NHSL1: variants seen among roughly 807,000 people sequenced by gnomAD.
NHSL1 encodes NHS-like protein 1.
NHSL1 carries 48 observed loss-of-function variants against 95.0 expected under a neutral mutation model. That is an observed-to-expected ratio of 0.51 (90% CI 0.40 to 0.64). NHSL1 has a LOEUF of 0.64. NHSL1 is among the 30% of genes least tolerant of loss of function. The pLI is 0.00. For synonymous variants in NHSL1, 783 were observed against 833.9 expected (o/e 0.94, Z 1.05); for missense variants, 1,971 against 2,077.7 (o/e 0.95, Z 1.00).
intron 3 of NHSL1, among the ~76,000 whole-genome samples, chr6:138,448,924 T>G (rs1777041883): frequency 6.6e-6 from 1 of 152,036 alleles, no homozygotes. Flanking sequence ...TGCTGGCGCA[T>G]GCCTGTAATC....
At chr6:138,642,013 C>A (rs560273652) in intron 1 of NHSL1, among the ~76,000 whole-genome samples, 26 of 151,984 alleles carry the variant, frequency 1.7e-4, no homozygotes, top group Non-Finnish European at 3.2e-4. Context: ...CAAATGAATT[C>A]TTTTTAAAAA....
rs1159110571 is a variant in NHSL1, at chr6:138,462,307, G to A, written c.339+10999C>T. The stretch of plus-strand genomic sequence containing the variant: ...GTGGAGATGATCAAAAGGGAAGCAG[G>A]CATATGCAATGAGGGGAGGATCTGA... On this transcript the variant is annotated intron_variant, in intron 3 of 7. Coordinates refer to ENST00000343505, the MANE Select transcript of NHSL1 (RefSeq NM_001144060.2). Among the ~76,000 whole-genome samples, 3 of 152,128 alleles carry A rather than the reference G, an allele frequency of 2.0e-5. No individual in the cohort carries two copies. In the East Asian group the frequency reaches 5.8e-4, roughly 29 times the overall value.
rs1775064326 is a variant in NHSL1, at chr6:138,423,835, AAAAAT to A, written c.*241_*245del. On this transcript the variant is annotated 3_prime_UTR_variant, in exon 8 of 8. Coordinates refer to ENST00000343505, the MANE Select transcript of NHSL1 (RefSeq NM_001144060.2). Reference sequence around the variant, plus strand: ...TTTAGCAAAAAAAAAAAAAAAAAAAAAAAATCTTCCCCGGGAAGCACTTTCAGAAG... The same window carrying A: ...TTTAGCAAAAAAAAAAAAAAAAAAAACTTCCCCGGGAAGCACTTTCAGAAG... 3.0e-6 allele frequency: 1 copy of A among 335,912 alleles called. No individual in the cohort carries two copies. The allele number at this position is 335,912 out of a possible 1,614,324, so 20.8% of individuals were successfully genotyped here. A position where few individuals can be genotyped will look rare whatever the true frequency, so the allele number is the denominator to read the frequency against.
At chr6:138,590,277 C>A (rs965911735) in intron 1 of NHSL1, among the ~76,000 whole-genome samples, 1 of 152,218 alleles carries the variant, frequency 6.6e-6, no homozygotes, top group Non-Finnish European at 1.5e-5. Flanking sequence ...GGATTCCAGG[C>A]GTAAGCCACT....
chr6:138,561,714 T>C (rs6910844), intron 1 of NHSL1, among the ~76,000 whole-genome samples: 49,314 of 152,022 alleles, frequency 0.32, 12,284 homozygotes, highest in African/African-American at 0.7. Flanking sequence ...AAGCATGCAC[T>C]CAAACACTAG....
chr6:138,688,836 G>C (rs536856440), intron 1 of NHSL1, among the ~76,000 whole-genome samples: 2 of 152,298 alleles, frequency 1.3e-5, no homozygotes, highest in African/African-American at 4.8e-5. Flanking sequence ...TTTACAGACA[G>C]GAGCAGAGAT....
At chr6:138,518,064 G>A (rs1401787448) in intron 1 of NHSL1, among the ~76,000 whole-genome samples, 1 of 152,216 alleles carries the variant, frequency 6.6e-6, no homozygotes, top group Non-Finnish European at 1.5e-5. Flanking sequence ...CAGGACTGGA[G>A]TGAGAAACTG....
intron 1 of NHSL1, among the ~76,000 whole-genome samples, chr6:138,641,538 G>A (rs1171608359): frequency 1.3e-5 from 2 of 149,864 alleles, no homozygotes; most frequent in South Asian, 2.1e-4. Context: ...CAGGAGAATC[G>A]CTTGAACCCG....
At chr6:138,580,049 C>A (rs1784029255) in intron 1 of NHSL1, among the ~76,000 whole-genome samples, 1 of 152,160 alleles carries the variant, frequency 6.6e-6, no homozygotes. Flanking sequence ...TAACAAAATT[C>A]TTTAATCAGG....
At chr6:138,531,171 T>C (rs1251430469) in intron 1 of NHSL1, among the ~76,000 whole-genome samples, 1 of 152,178 alleles carries the variant, frequency 6.6e-6, no homozygotes, top group African/African-American at 2.4e-5. Context: ...TATGGTACTT[T>C]GTTATAGCAG....
At chr6:138,524,579 T>A (rs1394334871) in intron 1 of NHSL1, among the ~76,000 whole-genome samples, 1 of 152,194 alleles carries the variant, frequency 6.6e-6, no homozygotes. Flanking sequence ...ATCTGTTGTA[T>A]TATTAATGGA....
chr6:138,422,583 A>G lies in NHSL1; in HGVS notation c.*1498T>C, dbSNP rs1324027707. ...CCTAGGTCCTTCTAATGAAGAAGAC[A>G]ATACTCTAGTTTATTTAACAAATAA... On this transcript the variant is annotated 3_prime_UTR_variant, in exon 8 of 8. Coordinates refer to ENST00000343505, the MANE Select transcript of NHSL1 (RefSeq NM_001144060.2). 6.6e-6 allele frequency: 1 copy of G among 152,216 alleles called. No homozygotes were observed. The highest frequency in any genetic ancestry group is 1.5e-5 in the Non-Finnish European group (1 of 68,052). The allele number at this position is 152,216 out of a possible 1,614,324, so 9.4% of individuals were successfully genotyped here.
chr6:138,487,543 T>C lies in NHSL1; in HGVS notation c.211+8676A>G, dbSNP rs975553687. Among the ~76,000 whole-genome samples the C allele has an allele frequency of 1.8e-4, 27 of 152,258 alleles. 1 individual carries two copies. The highest frequency in any genetic ancestry group is 8.8e-5 in the Non-Finnish European group (6 of 68,050). ...TTACACATCCCAGTTTGTCAGGACT[T>C]AGGCTCAGCCATCGGTAATATCTTT... On this transcript the variant is annotated intron_variant, in intron 2 of 7. Coordinates refer to ENST00000343505, the MANE Select transcript of NHSL1 (RefSeq NM_001144060.2).
chr6:138,604,518 C>T (rs1474716850), intron 1 of NHSL1, among the ~76,000 whole-genome samples: 2 of 152,178 alleles, frequency 1.3e-5, no homozygotes, highest in African/African-American at 4.8e-5. Context: ...AGGCACAGCT[C>T]TCTGATTCTG....
At chr6:138,486,180 G>A (rs1029707804) in intron 2 of NHSL1, among the ~76,000 whole-genome samples, 5 of 151,948 alleles carry the variant, frequency 3.3e-5, no homozygotes, top group Admixed American at 1.3e-4. Context: ...TTTTGTCTAC[G>A]GCCCTGTTTT....
intron 1 of NHSL1, among the ~76,000 whole-genome samples, chr6:138,523,223 T>G (rs1462334107): frequency 2.0e-5 from 3 of 152,122 alleles, no homozygotes; most frequent in East Asian, 3.9e-4. Context: ...GAAAAAAAAT[T>G]AATGGTGGGG....
At chr6:138,675,595 T>C (rs1357300372) in intron 1 of NHSL1, among the ~76,000 whole-genome samples, 2 of 152,092 alleles carry the variant, frequency 1.3e-5, no homozygotes, top group African/African-American at 4.8e-5. Flanking sequence ...AGTGCAGTGG[T>C]GTGATCTCAG....
intron 2 of NHSL1, among the ~76,000 whole-genome samples, chr6:138,492,507 T>C (rs983437652): frequency 6.6e-6 from 1 of 152,230 alleles, no homozygotes; most frequent in Admixed American, 6.5e-5. Flanking sequence ...ATGCTCAATA[T>C]TGATTAATTT....
intron 1 of NHSL1, among the ~76,000 whole-genome samples, chr6:138,638,005 A>C (rs1784909405): frequency 6.6e-6 from 1 of 152,232 alleles, no homozygotes; most frequent in Non-Finnish European, 1.5e-5. Flanking sequence ...TAGTACTTAT[A>C]CACAATGGAG....
Sources: gnomAD v4.1 joint callset for allele counts (sites outside exome capture counted in the v4.1 genomes callset) on GRCh38, gnomAD v4.1.1 for gene constraint, MANE v1.5 for transcripts, NCBI Gene and HGNC (gene_info 2026-07-23, HGNC 2026-07-21) for gene names.